Variants in PCLO observed in about 807,000 individuals in gnomAD.
PCLO encodes the protein protein piccolo.
In PCLO, 82 loss-of-function variants were observed where a neutral mutation model predicts 427.5. The observed-to-expected ratio is 0.19, with a 90% CI of 0.16 to 0.23. The LOEUF is 0.23. Among genes scored for constraint, PCLO ranks in the 10% least tolerant of loss-of-function variants. The probability of loss-of-function intolerance (pLI) is 1.00; values close to 1 mark genes in which losing one functional copy is unlikely to be tolerated. For missense variants in PCLO, 6,239 were observed against 6,115.9 expected, an observed-to-expected ratio of 1.02 and a Z score of -0.67; for synonymous variants, 2,357 against 2,155.4, an observed-to-expected ratio of 1.09 and a Z score of -2.59.
intron 4 of PCLO, among the ~76,000 whole-genome samples, chr7:82,960,051 G>T (rs2115610170): frequency 6.6e-6 from 1 of 152,252 alleles, no homozygotes; most frequent in East Asian, 1.9e-4. Context: ...TTTCACAAAA[G>T]CCTTCCATAT....
intron 3 of PCLO, among the ~76,000 whole-genome samples, chr7:83,000,726 C>G (rs982639214): frequency 6.6e-6 from 1 of 151,906 alleles, no homozygotes; most frequent in Non-Finnish European, 1.5e-5. Context: ...AGTCTGTTAC[C>G]CAGGGGTTGA....
intron 22 of PCLO, among the ~76,000 whole-genome samples, chr7:82,764,530 T>C (rs1790493905): frequency 1.3e-5 from 2 of 151,924 alleles, no homozygotes; most frequent in African/African-American, 4.8e-5. Context: ...CAAAGCCTAG[T>C]TCTATACTAT....
At chr7:83,001,674 T>C (rs1019452970) in intron 3 of PCLO, among the ~76,000 whole-genome samples, 11 of 152,044 alleles carry the variant, frequency 7.2e-5, no homozygotes, top group African/African-American at 2.7e-4. Context: ...ACTCAGCTGG[T>C]GAGTGGACTG....
chr7:83,087,610 A>T (rs1164454328), intron 3 of PCLO, among the ~76,000 whole-genome samples: 1 of 152,184 alleles, frequency 6.6e-6, no homozygotes, highest in Non-Finnish European at 1.5e-5. Flanking sequence ...ATAGGTTTTA[A>T]TAATGGGTGA....
intron 22 of PCLO, among the ~76,000 whole-genome samples, chr7:82,784,323 A>C (rs1030691863): frequency 9.9e-5 from 15 of 152,280 alleles, no homozygotes; most frequent in Admixed American, 3.3e-4. Flanking sequence ...GGTGCTGGGC[A>C]CACTTCTGCT....
chr7:83,144,345 TG>T (rs1410075380), intron 2 of PCLO, among the ~76,000 whole-genome samples: 1 of 148,978 alleles, frequency 6.7e-6, no homozygotes, highest in East Asian at 2.1e-4. Context: ...TGCTTAAACC[TG>T]GGAAGCAGAG....
At chr7:82,840,920 CAG>C (rs1792350570) in intron 14 of PCLO, among the ~76,000 whole-genome samples, 2 of 151,558 alleles carry the variant, frequency 1.3e-5, no homozygotes, top group East Asian at 1.9e-4. Context: ...TATCAAAACA[CAG>C]AGAGAATTTA....
chr7:82,913,685 T>C (rs996292118), intron 7 of PCLO, among the ~76,000 whole-genome samples: 4 of 152,080 alleles, frequency 2.6e-5, no homozygotes, highest in Non-Finnish European at 5.9e-5. Context: ...ATGTTTATGG[T>C]TGTATATCTT....
At chr7:82,797,447 C>G (rs575212041) in intron 22 of PCLO, among the ~76,000 whole-genome samples, 3 of 152,170 alleles carry the variant, frequency 2.0e-5, no homozygotes, top group South Asian at 2.1e-4. Context: ...TGGGAAAACA[C>G]TCATCTGTAC....
chr7:82,881,087 T>G (rs1475535300), intron 9 of PCLO, among the ~76,000 whole-genome samples: 1 of 152,138 alleles, frequency 6.6e-6, no homozygotes, highest in African/African-American at 2.4e-5. Context: ...GCTAAAAGTG[T>G]AGTTGCAGGC....
At chr7:82,965,674 T>C (rs1384896875) in intron 4 of PCLO, 97 bp downstream of exon 4, 1 of 727,784 alleles carries the variant, frequency 1.4e-6, no homozygotes, top group African/African-American at 1.8e-5. Flanking sequence ...TTGAGGAACT[T>C]CACTTATATA....
intron 3 of PCLO, among the ~76,000 whole-genome samples, chr7:83,074,793 C>T (rs1444926626): frequency 6.6e-6 from 1 of 152,086 alleles, no homozygotes; most frequent in African/African-American, 2.4e-5. Flanking sequence ...CTGCATGAAG[C>T]ACATACTTCA....
intron 2 of PCLO, among the ~76,000 whole-genome samples, chr7:83,143,533 G>C (rs748187979): frequency 4.0e-4 from 33 of 81,954 alleles, no homozygotes; most frequent in Non-Finnish European, 6.6e-4. Context: ...AACTAAATAT[G>C]CACTCTTTTC....
At chr7:82,973,765 A>G (rs1795957396) in intron 3 of PCLO, among the ~76,000 whole-genome samples, 1 of 152,096 alleles carries the variant, frequency 6.6e-6, no homozygotes, top group African/African-American at 2.4e-5. Flanking sequence ...ACATTAACAG[A>G]TATTTCCATA....
chr7:83,139,146 TC>T (rs1220269355), intron 2 of PCLO, among the ~76,000 whole-genome samples: 1 of 152,020 alleles, frequency 6.6e-6, no homozygotes, highest in Non-Finnish European at 1.5e-5. Context: ...ATTTTAAATA[TC>T]ACTAAACACA....
chr7:83,134,243 A>ATATATATATATATAT lies in PCLO; in HGVS notation c.3300+6_3300+7insATATATATATATATA, dbSNP rs1554402641. ...AATATATATATATATATATATATATAACTTACCTCAGTCAAATGTGGTGTA... is the reference window on the plus strand; with the variant it reads ...AATATATATATATATATATATATATATATATATATATATATACTTACCTCAGTCAAATGTGGTGTA... On this transcript the variant is annotated splice_region_variant and intron_variant, in intron 3 of 24. Transcript: ENST00000333891. 10 of 1,088,086 alleles carry ATATATATATATATAT rather than the reference A, an allele frequency of 9.2e-6. No individual in the cohort carries two copies. The highest frequency in any genetic ancestry group is 1.6e-5 in the South Asian group (1 of 60,974). 67.4% of individuals were successfully genotyped at this position (1,088,086 alleles called of 1,614,324 possible). A position where few individuals can be genotyped will look rare whatever the true frequency, so the allele number is the denominator to read the frequency against.
Position 82,951,193 on chromosome 7 carries a change from G to T in PCLO, c.9395C>A (p.Ala3132Asp). ...AGGCATTGGCTGGCTATGGTGCATG[G>T]CAGGTAATGAAGTCACTGCATCAGC... ...HTADAVTSLP[A>D]MHHSQPMPRS... Residue 3132 changes from alanine (A) to aspartate (D), a missense_variant, in exon 6 of 25, where the codon GCC (alanine) becomes GAC (aspartate). Coordinates refer to ENST00000333891, the MANE Select transcript of PCLO (RefSeq NM_033026.6). The T allele has an allele frequency of 6.2e-7, 1 of 1,613,678 alleles. No homozygotes were observed. The highest frequency in any genetic ancestry group is 8.5e-7 in the Non-Finnish European group (1 of 1,179,744).
chr7:83,039,684 T>C (rs1215545650), intron 3 of PCLO, among the ~76,000 whole-genome samples: 2 of 152,228 alleles, frequency 1.3e-5, no homozygotes, highest in East Asian at 3.9e-4. Context: ...TCTGGGCCCC[T>C]TGTAATTCCA....
At chr7:83,050,208 GAAAAAAAAAAAA>G (rs556193471) in intron 3 of PCLO, among the ~76,000 whole-genome samples, 163 of 5,456 alleles carry the variant, frequency 0.03, no homozygotes, top group African/African-American at 0.077. Context: ...CTGAAAAACT[GAAAAAAAAAAAA>G]AAAAAAAAAA....
Sources: gnomAD v4.1 joint callset for allele counts (sites outside exome capture counted in the v4.1 genomes callset) on GRCh38, gnomAD v4.1.1 for gene constraint, MANE v1.5 for transcripts, NCBI Gene and HGNC (gene_info 2026-07-23, HGNC 2026-07-21) for gene names.